ATP6V0A4: variants seen among roughly 807,000 people sequenced by gnomAD.
The protein encoded by ATP6V0A4 is ATPase H+ transporting V0 subunit a4.
A neutral mutation model predicts 107.3 loss-of-function variants in ATP6V0A4; 86 were observed. The ratio of observed to expected loss-of-function variants is 0.80; its 90% CI spans 0.67 to 0.96. The LOEUF (loss-of-function observed/expected upper bound fraction) is 0.96. Ranked by LOEUF, ATP6V0A4 falls within the 40% of genes least tolerant of loss-of-function variation. The pLI, the probability that ATP6V0A4 is intolerant of heterozygous loss-of-function variation, is 0.00. For missense variants in ATP6V0A4, 908 were observed against 1,045.6 expected, an observed-to-expected ratio of 0.87 and a Z score of 1.81; for synonymous variants, 353 against 381.4, an observed-to-expected ratio of 0.93 and a Z score of 0.87.
intron 5 of ATP6V0A4, among the ~76,000 whole-genome samples, chr7:138,764,329 A>G (rs2117320567): frequency 6.6e-6 from 1 of 152,174 alleles, no homozygotes; most frequent in Middle Eastern, 3.4e-3. Context: ...GTGTGTGCTG[A>G]TCCTTACTTT....
At chr7:138,752,389 C>A (rs28491851) in intron 11 of ATP6V0A4, among the ~76,000 whole-genome samples, 1 of 150,178 alleles carries the variant, frequency 6.7e-6, no homozygotes, top group African/African-American at 2.4e-5. Flanking sequence ...TTTAAAAAAA[C>A]CTCAATACGT....
At chr7:138,792,776 TTGTTGTTTTG>T (rs1563025348) in intron 1 of ATP6V0A4, among the ~76,000 whole-genome samples, 13 of 34,568 alleles carry the variant, frequency 3.8e-4, no homozygotes, top group African/African-American at 1.2e-3. Flanking sequence ...GTTTTTTTTT[TTGTTGTTTTG>T]TTTTTTTTTT....
At chr7:138,784,390 C>T (rs1223526918) in intron 2 of ATP6V0A4, among the ~76,000 whole-genome samples, 1 of 148,692 alleles carries the variant, frequency 6.7e-6, no homozygotes, top group Non-Finnish European at 1.5e-5. Flanking sequence ...GCAATCTTGG[C>T]TCACTGCAAG....
intron 3 of ATP6V0A4, 122 bp downstream of exon 3, chr7:138,771,009 G>A (rs778813610): frequency 3.9e-5 from 41 of 1,038,844 alleles, no homozygotes; most frequent in Middle Eastern, 2.5e-4. Context: ...GAATTTCATC[G>A]ATTCCAGCTC....
rs899373762 is a variant in ATP6V0A4, at chr7:138,798,192, G to C, written c.-279C>G. 6.3e-7 allele frequency: 1 copy of C among 1,585,424 alleles called. No individual in the cohort carries two copies. Among genetic ancestry groups the C allele is most frequent in the Non-Finnish European group, 8.6e-7 (1 of 1,166,448 alleles). ...CCACTCGGCTTGCTCGGCAGGTAGC[G>C]TTATGAGCTTTATTCATGGCCAGGC... On this transcript the variant is annotated 5_prime_UTR_variant, in exon 1 of 22. Coordinates refer to ENST00000310018, the MANE Select transcript of ATP6V0A4 (RefSeq NM_020632.3).
chr7:138,730,544 A>G (rs1273317342), intron 17 of ATP6V0A4, among the ~76,000 whole-genome samples: 2 of 152,136 alleles, frequency 1.3e-5, no homozygotes, highest in African/African-American at 4.8e-5. Flanking sequence ...GTGAAAACCA[A>G]CCAACTCCAA....
chr7:138,734,114 G>A (rs775830752), intron 16 of ATP6V0A4, 22 bp downstream of exon 16: 4 of 1,595,416 alleles, frequency 2.5e-6, no homozygotes, highest in Non-Finnish European at 3.4e-6. Flanking sequence ...AGAGCAGGCA[G>A]AGAGTGCATC....
intron 11 of ATP6V0A4, among the ~76,000 whole-genome samples, chr7:138,751,089 C>T (rs442898): frequency 0.088 from 13,391 of 152,160 alleles, 648 homozygotes; most frequent in East Asian, 0.15. Context: ...CTGCCGTCAC[C>T]AGATATGCCA....
chr7:138,711,049 C>T (rs916457958), intron 20 of ATP6V0A4, among the ~76,000 whole-genome samples: 1 of 152,188 alleles, frequency 6.6e-6, no homozygotes, highest in African/African-American at 2.4e-5. Context: ...ACACAGCCCC[C>T]TCTGGCCTGT....
At chr7:138,747,706 A>G in intron 12 of ATP6V0A4, 142 bp from the exon 13 acceptor site, 6 of 1,332,960 alleles carry the variant, frequency 4.5e-6, no homozygotes, top group Non-Finnish European at 6.1e-6. Context: ...CCCTACCCTG[A>G]CACATGCTTA....
chr7:138,785,448 T>G (rs1808136234), intron 2 of ATP6V0A4, among the ~76,000 whole-genome samples: 1 of 152,034 alleles, frequency 6.6e-6, no homozygotes, highest in South Asian at 2.1e-4. Context: ...GTTAATTTTT[T>G]GTATTTTTAG....
chr7:138,729,019 T>A, intron 17 of ATP6V0A4, 157 bp from the exon 18 acceptor site: 1 of 901,000 alleles, frequency 1.1e-6, no homozygotes, highest in Non-Finnish European at 1.3e-6. Context: ...CCTGGAATAT[T>A]CCCCTTGCAG....
chr7:138,734,082 TTCA>T lies in ATP6V0A4; in HGVS notation c.1691+51_1691+53del, dbSNP rs1216350449. ...TCCCAAACCAGTGGCTCTGTCACCA[TTCA>T]TCATCAGTGTGATCAGACAGAGCAG... is the stretch of plus-strand genomic sequence containing the variant. On this transcript the variant is annotated intron_variant, in intron 16 of 21. Transcript: ENST00000310018. 10 of 1,548,670 alleles carry T rather than the reference TTCA, an allele frequency of 6.5e-6. No homozygotes were observed. In the Admixed American group the frequency reaches 1.2e-4, roughly 18 times the overall value.
Position 138,721,659 on chromosome 7 carries a change from G to A in ATP6V0A4, c.2139+238C>T, listed in dbSNP as rs3734942. The stretch of plus-strand genomic sequence containing the variant: ...TTCACCTGACACATACAGATGCAGC[G>A]GTACTTGGACTAGAAATATTAAAAT... On this transcript the variant is annotated intron_variant, in intron 19 of 21. Coordinates refer to ENST00000310018, the MANE Select transcript of ATP6V0A4 (RefSeq NM_020632.3). Among the ~76,000 whole-genome samples the A allele has an allele frequency of 0.22, 32,986 of 152,050 alleles. 3,844 individuals are homozygous for A. The highest frequency in any genetic ancestry group is 0.25 in the Non-Finnish European group (17,305 of 67,974).
At chr7:138,712,498 C>T (rs899592251) in intron 20 of ATP6V0A4, among the ~76,000 whole-genome samples, 2 of 152,086 alleles carry the variant, frequency 1.3e-5, no homozygotes, top group Non-Finnish European at 2.9e-5. Flanking sequence ...ACTACTAGGA[C>T]CACTGATGAA....
At chr7:138,790,931 T>C (rs959282754) in intron 1 of ATP6V0A4, among the ~76,000 whole-genome samples, 4 of 152,080 alleles carry the variant, frequency 2.6e-5, no homozygotes, top group Admixed American at 2.0e-4. Flanking sequence ...CTATAAACAA[T>C]AGTATGTAAT....
chr7:138,749,144 C>G (rs758888368), intron 12 of ATP6V0A4, 23 bp downstream of exon 12: 2 of 1,613,500 alleles, frequency 1.2e-6, no homozygotes, highest in East Asian at 2.2e-5. Flanking sequence ...GCTACCCAGT[C>G]GTGCAGTTCA....
At chr7:138,713,522 G>A (rs748105329) in intron 20 of ATP6V0A4, among the ~76,000 whole-genome samples, 1 of 152,094 alleles carries the variant, frequency 6.6e-6, no homozygotes, top group East Asian at 1.9e-4. Flanking sequence ...TCAGTGCCAG[G>A]AATGCTAAGA....
At chr7:138,769,440 A>G in intron 3 of ATP6V0A4, 189 bp from the exon 4 acceptor site, 1 of 538,004 alleles carries the variant, frequency 1.9e-6, no homozygotes, top group Non-Finnish European at 2.4e-6. Context: ...TCAGCCTCCC[A>G]AGTAACTGGG....
Sources: gnomAD v4.1 joint callset for allele counts (sites outside exome capture counted in the v4.1 genomes callset) on GRCh38, gnomAD v4.1.1 for gene constraint, MANE v1.5 for transcripts, NCBI Gene and HGNC (gene_info 2026-07-23, HGNC 2026-07-21) for gene names.